OSBPL6: variants seen among roughly 807,000 people sequenced by gnomAD.
OSBPL6 encodes the protein oxysterol-binding protein-related protein 6.
A neutral mutation model predicts 125.8 loss-of-function variants in OSBPL6; 49 were observed. The observed-to-expected ratio is 0.39, with a 90% confidence interval of 0.31 to 0.49. The LOEUF is 0.49. Among genes scored for constraint, OSBPL6 ranks in the 20% least tolerant of loss-of-function variants. The probability of loss-of-function intolerance (pLI) is 0.88; values close to 1 mark genes in which losing one functional copy is unlikely to be tolerated. For missense variants in OSBPL6, 986 were observed against 1,135.4 expected, an observed-to-expected ratio of 0.87 and a Z score of 1.89; for synonymous variants, 394 against 391.8, an observed-to-expected ratio of 1.01 and a Z score of -0.07.
chr2:178,328,549 A>G (rs1688904841), intron 5 of OSBPL6, among the ~76,000 whole-genome samples, 171 bp downstream of exon 5: 1 of 152,202 alleles, frequency 6.6e-6, no homozygotes, highest in Admixed American at 6.5e-5. Context: ...GTGCAGTGGC[A>G]TGATCTCAGC....
intron 5 of OSBPL6, among the ~76,000 whole-genome samples, chr2:178,330,965 AT>A (rs1015414408): frequency 3.3e-5 from 5 of 152,336 alleles, no homozygotes; most frequent in Admixed American, 1.3e-4. Context: ...TAGTTCAGAA[AT>A]AATTTTCAAC....
chr2:178,247,543 A>G (rs1485811644), intron 1 of OSBPL6, among the ~76,000 whole-genome samples: 1 of 152,036 alleles, frequency 6.6e-6, no homozygotes, highest in African/African-American at 2.4e-5. Flanking sequence ...AGGGTCTGGC[A>G]TGTCTTGCTT....
intron 1 of OSBPL6, among the ~76,000 whole-genome samples, chr2:178,259,885 G>A (rs973055769): frequency 1.3e-5 from 2 of 152,112 alleles, no homozygotes; most frequent in Admixed American, 6.5e-5. Context: ...TCCCTTTGCC[G>A]CTTAAGCTTG....
chr2:178,316,933 T>C (rs1574849660), intron 3 of OSBPL6, among the ~76,000 whole-genome samples: 1 of 152,210 alleles, frequency 6.6e-6, no homozygotes, highest in African/African-American at 2.4e-5. Flanking sequence ...GGCTATTAAA[T>C]TGAAAAAATA....
chr2:178,386,636 T>G (rs1221882623), intron 19 of OSBPL6, among the ~76,000 whole-genome samples: 1 of 152,070 alleles, frequency 6.6e-6, no homozygotes, highest in Non-Finnish European at 1.5e-5. Context: ...ACCACTTAGT[T>G]AAAACTTATA....
chr2:178,254,068 C>G (rs1020087552), intron 1 of OSBPL6, among the ~76,000 whole-genome samples: 1 of 152,156 alleles, frequency 6.6e-6, no homozygotes, highest in Non-Finnish European at 1.5e-5. Flanking sequence ...AGCCTGTTGA[C>G]CTGGACTTCT....
chr2:178,366,997 C>G (rs1692895254), intron 13 of OSBPL6, among the ~76,000 whole-genome samples: 1 of 152,154 alleles, frequency 6.6e-6, no homozygotes, highest in Admixed American at 6.5e-5. Flanking sequence ...ATATTCATGG[C>G]AGTATTATTT....
chr2:178,375,974 G>C (rs946367179), intron 15 of OSBPL6, among the ~76,000 whole-genome samples: 1 of 152,138 alleles, frequency 6.6e-6, no homozygotes, highest in Non-Finnish European at 1.5e-5. Context: ...TGAGGGGTTG[G>C]GGAGTGAATG....
chr2:178,380,505 A>G (rs1694371575), intron 15 of OSBPL6, among the ~76,000 whole-genome samples: 1 of 148,976 alleles, frequency 6.7e-6, no homozygotes, highest in Non-Finnish European at 1.5e-5. Flanking sequence ...TATGTATACT[A>G]GGTAAATACT....
intron 15 of OSBPL6, among the ~76,000 whole-genome samples, chr2:178,378,659 G>A (rs1409643927): frequency 6.6e-6 from 1 of 152,166 alleles, no homozygotes; most frequent in Non-Finnish European, 1.5e-5. Context: ...TTAACCACGG[G>A]GCAGAGGACA....
At chr2:178,323,141 A>C (rs1688391351) in intron 3 of OSBPL6, among the ~76,000 whole-genome samples, 1 of 152,148 alleles carries the variant, frequency 6.6e-6, no homozygotes, top group African/African-American at 2.4e-5. Flanking sequence ...TAATTGCAAA[A>C]TTCCGCTTTA....
intron 1 of OSBPL6, among the ~76,000 whole-genome samples, chr2:178,268,764 T>C (rs2154023345): frequency 6.6e-6 from 1 of 152,322 alleles, no homozygotes; most frequent in South Asian, 2.1e-4. Flanking sequence ...CTGTCTTTTT[T>C]TTTTTCCCAG....
At chr2:178,362,868 G>A (rs773486384) in intron 13 of OSBPL6, among the ~76,000 whole-genome samples, 1 of 152,156 alleles carries the variant, frequency 6.6e-6, no homozygotes, top group Non-Finnish European at 1.5e-5. Flanking sequence ...AGGAGCATGA[G>A]CGTGAAAATC....
At chr2:178,381,499 G>A (rs754251531) in intron 15 of OSBPL6, among the ~76,000 whole-genome samples, 2 of 152,064 alleles carry the variant, frequency 1.3e-5, no homozygotes, top group Non-Finnish European at 2.9e-5. Context: ...GACTGCAGGC[G>A]CATGCCACCA....
At chr2:178,330,805 C>T (rs560050671) in intron 5 of OSBPL6, among the ~76,000 whole-genome samples, 12 of 152,268 alleles carry the variant, frequency 7.9e-5, no homozygotes, top group African/African-American at 2.9e-4. Flanking sequence ...GCTGTTTGTT[C>T]TCTTGTGAAT....
At chr2:178,363,666 TA>T (rs1176248034) in intron 13 of OSBPL6, among the ~76,000 whole-genome samples, 2 of 152,170 alleles carry the variant, frequency 1.3e-5, no homozygotes, top group Admixed American at 6.5e-5. Context: ...GCTAACATGA[TA>T]AAAGTAAAAT....
chr2:178,193,954 T>C (rs2088671633), upstream of OSBPL6, among the ~76,000 whole-genome samples: 2 of 152,112 alleles, frequency 1.3e-5, no homozygotes, highest in Admixed American at 1.3e-4. Context: ...GTGTATGAAA[T>C]GACGACCTCA....
intron 20 of OSBPL6, 67 bp downstream of exon 20, chr2:178,387,206 A>G: frequency 1.6e-6 from 2 of 1,257,218 alleles, no homozygotes; most frequent in Non-Finnish European, 2.3e-6. Flanking sequence ...GGTATTTTAA[A>G]CTCTAGAAGA....
intron 1 of OSBPL6, among the ~76,000 whole-genome samples, chr2:178,251,607 G>A (rs1184053706): frequency 6.6e-6 from 1 of 152,128 alleles, no homozygotes; most frequent in Non-Finnish European, 1.5e-5. Flanking sequence ...CAAGGCACCT[G>A]TGTTAGGGAT....
Sources: gnomAD v4.1 joint callset for allele counts (sites outside exome capture counted in the v4.1 genomes callset) on GRCh38, gnomAD v4.1.1 for gene constraint, MANE v1.5 for transcripts, NCBI Gene and HGNC (gene_info 2026-07-23, HGNC 2026-07-21) for gene names.